Variants in ZEB1 observed in about 807,000 individuals in gnomAD.
ZEB1 encodes zinc finger E-box binding homeobox 1, also known as zinc finger E-box-binding homeobox 1.
ZEB1 carries 21 observed loss-of-function variants against 84.9 expected under a neutral mutation model. The observed-to-expected ratio is 0.25, with a 90% CI of 0.18 to 0.36. The LOEUF is 0.36. ZEB1 is among the 10% of genes least tolerant of loss of function. ZEB1 has a pLI of 1.00. For missense variants in ZEB1, 1,104 were observed against 1,330.2 expected (o/e 0.83, Z 2.65); for synonymous variants, 420 against 471.1 (o/e 0.89, Z 1.41).
At chr10:31,467,911 G>C (rs1458557692) in intron 2 of ZEB1, among the ~76,000 whole-genome samples, 1 of 152,152 alleles carries the variant, frequency 6.6e-6, no homozygotes, top group Non-Finnish European at 1.5e-5. Context: ...CTGGGCACAG[G>C]TGGTTTGGGA....
intron 2 of ZEB1, among the ~76,000 whole-genome samples, chr10:31,490,848 T>A (rs910296627): frequency 6.6e-6 from 1 of 151,808 alleles, no homozygotes; most frequent in Non-Finnish European, 1.5e-5. Context: ...AATTTTGATA[T>A]TTTTTGCTTA....
intron 1 of ZEB1, among the ~76,000 whole-genome samples, chr10:31,407,256 C>T (rs2053284567): frequency 7.9e-6 from 1 of 125,980 alleles, no homozygotes. Context: ...TCCCCCCACC[C>T]CACCACAGTC....
intron 1 of ZEB1, among the ~76,000 whole-genome samples, chr10:31,407,252 C>A (rs1440925935): frequency 8.1e-6 from 1 of 122,898 alleles, no homozygotes; most frequent in Non-Finnish European, 1.7e-5. Context: ...CCCCTCCCCC[C>A]ACCCCACCAC....
chr10:31,362,065 A>T (rs552278062), intron 1 of ZEB1, among the ~76,000 whole-genome samples: 2 of 143,430 alleles, frequency 1.4e-5, no homozygotes, highest in Non-Finnish European at 3.0e-5. Context: ...GGCGCTCCTC[A>T]TTTCCCACAC....
chr10:31,385,736 C>T, intron 1 of ZEB1, among the ~76,000 whole-genome samples: 1 of 152,050 alleles, frequency 6.6e-6, no homozygotes, highest in Admixed American at 6.6e-5. Flanking sequence ...CCATGTTGGC[C>T]AAGCTGGTCT....
rs537095162 is a variant in ZEB1 at position 31,476,878 on chromosome 10, C to T, written c.259+15641C>T. Among the ~76,000 whole-genome samples the T allele has an allele frequency of 1.4e-4, 21 of 152,074 alleles. No individual in the cohort carries two copies. In the East Asian group the frequency reaches 3.9e-3, roughly 28 times the overall value. On this transcript the variant is annotated intron_variant, in intron 2 of 8. Coordinates refer to ENST00000424869, the MANE Select transcript of ZEB1 (RefSeq NM_001174096.2). ...ATTCAATGTCACTTCATGTTAAAAA[C>T]CCTCAAAAACTAGGCATTGAAGGAA...
chr10:31,451,352 G>A (rs1324832686), intron 1 of ZEB1, among the ~76,000 whole-genome samples: 1 of 152,118 alleles, frequency 6.6e-6, no homozygotes, highest in South Asian at 2.1e-4. Flanking sequence ...AAGTAGGCTG[G>A]TAATTTATCT....
rs144514954 is a variant in ZEB1 at position 31,390,654 on chromosome 10, T to C, written c.59-70383T>C. Among the ~76,000 whole-genome samples, 845 of 152,246 alleles carry C rather than the reference T, an allele frequency of 5.6e-3. 13 individuals carry two copies. The highest frequency in any genetic ancestry group is 0.019 in the African/African-American group (810 of 41,550). ...GCCATTTCAAGGTATTTTCCTACCA[T>C]TGGTTTCCATTGCATCTGTCACATA... On this transcript the variant is annotated intron_variant, in intron 1 of 8. Transcript: ENST00000424869.
intron 1 of ZEB1, among the ~76,000 whole-genome samples, chr10:31,394,416 T>C (rs921147208): frequency 1.3e-5 from 2 of 152,188 alleles, no homozygotes; most frequent in African/African-American, 4.8e-5. Flanking sequence ...CTAATACATA[T>C]AGAAGCATTA....
chr10:31,441,430 G>A (rs2058972205), intron 1 of ZEB1, among the ~76,000 whole-genome samples: 1 of 152,050 alleles, frequency 6.6e-6, no homozygotes, highest in South Asian at 2.1e-4. Context: ...AGATTGAAAT[G>A]TTAGACCTGA....
chr10:31,500,633 A>C (rs1034346605), intron 3 of ZEB1, among the ~76,000 whole-genome samples: 2 of 152,098 alleles, frequency 1.3e-5, no homozygotes, highest in Non-Finnish European at 2.9e-5. Context: ...AGGACTTTAC[A>C]CTCCAAGCAG....
chr10:31,413,062 GATTATATACTTAGGTT>G (rs2054593091), intron 1 of ZEB1, among the ~76,000 whole-genome samples: 1 of 152,144 alleles, frequency 6.6e-6, no homozygotes, highest in African/African-American at 2.4e-5. Flanking sequence ...TCACAAGATT[GATTATATACTTAGGTT>G]ATATGGAAAA....
intron 6 of ZEB1, among the ~76,000 whole-genome samples, chr10:31,517,080 A>G (rs1488829092): frequency 6.6e-6 from 1 of 152,122 alleles, no homozygotes; most frequent in Admixed American, 6.6e-5. Context: ...AACAAAGCCA[A>G]CTGGTCATTC....
intron 1 of ZEB1, among the ~76,000 whole-genome samples, chr10:31,407,162 G>A (rs1252339161): frequency 6.6e-6 from 1 of 151,362 alleles, no homozygotes; most frequent in Non-Finnish European, 1.5e-5. Context: ...AGTTACATAT[G>A]TATACATGTG....
At chr10:31,412,558 C>T (rs2054503886) in intron 1 of ZEB1, among the ~76,000 whole-genome samples, 1 of 152,146 alleles carries the variant, frequency 6.6e-6, no homozygotes, top group African/African-American at 2.4e-5. Context: ...TGGTGTCCAG[C>T]TTCATCCATG....
At chr10:31,373,557 T>C (rs10826945) in intron 1 of ZEB1, among the ~76,000 whole-genome samples, 7,201 of 151,946 alleles carry the variant, frequency 0.047, 393 homozygotes, top group African/African-American at 0.12. Flanking sequence ...TCATAAGTGC[T>C]TCTTAAAATA....
At chr10:31,400,735 A>G (rs1311898007) in intron 1 of ZEB1, among the ~76,000 whole-genome samples, 1 of 152,130 alleles carries the variant, frequency 6.6e-6, no homozygotes, top group Non-Finnish European at 1.5e-5. Context: ...ATAAGTTTTC[A>G]TCTTCAAAAA....
intron 1 of ZEB1, among the ~76,000 whole-genome samples, chr10:31,423,094 A>G (rs2056432102): frequency 6.6e-6 from 1 of 152,002 alleles, no homozygotes; most frequent in African/African-American, 2.4e-5. Context: ...GTACTTTTTC[A>G]TGTGAGAATT....
chr10:31,324,182 T>C (rs901812007), intron 1 of ZEB1, among the ~76,000 whole-genome samples: 2 of 151,994 alleles, frequency 1.3e-5, no homozygotes, highest in Admixed American at 1.3e-4. Context: ...ATATTAATCG[T>C]TTATGAAGAT....
Sources: gnomAD v4.1 joint callset for allele counts (sites outside exome capture counted in the v4.1 genomes callset) on GRCh38, gnomAD v4.1.1 for gene constraint, MANE v1.5 for transcripts, NCBI Gene and HGNC (gene_info 2026-07-23, HGNC 2026-07-21) for gene names.